AQP9: variants seen among roughly 807,000 people sequenced by gnomAD.
The protein encoded by AQP9 is aquaporin-9.
AQP9 carries 19 observed loss-of-function variants against 23.8 expected under a neutral mutation model. That is an observed-to-expected ratio of 0.80 (90% CI 0.56 to 1.17). AQP9 has a LOEUF of 1.17. Ranked by LOEUF, AQP9 falls within the 50% of genes most tolerant of loss-of-function variation. AQP9 has a pLI of 0.00. For synonymous variants in AQP9, 153 were observed against 131.5 expected (o/e 1.16, Z -1.12); for missense variants, 413 against 362.0 (o/e 1.14, Z -1.14).
At chr15:58,140,501 C>G (rs558640123) in intron 1 of AQP9, among the ~76,000 whole-genome samples, 1 of 152,146 alleles carries the variant, frequency 6.6e-6, no homozygotes, top group South Asian at 2.1e-4. Flanking sequence ...AAATCTGCAA[C>G]CTTGATTATC....
Position 58,185,373 on chromosome 15 carries a change from T to A in AQP9, c.*1238T>A, listed in dbSNP as rs1291923401. The A allele has an allele frequency of 6.5e-6, 1 of 152,770 alleles. No individual in the cohort carries two copies. Among genetic ancestry groups the A allele is most frequent in the East Asian group, 1.9e-4 (1 of 5,182 alleles). The allele number at this position is 152,770 out of a possible 1,614,324, so 9.5% of individuals were successfully genotyped here. A position where few individuals can be genotyped will look rare whatever the true frequency, so the allele number is the denominator to read the frequency against. ...TGGCAGCTTCTAGAATATGTACACC[T>A]CTGGACAAAATGTTCCTCAATCTTA... On this transcript the variant is annotated 3_prime_UTR_variant, in exon 6 of 6. Coordinates refer to ENST00000219919, the MANE Select transcript of AQP9 (RefSeq NM_020980.5).
chr15:58,182,304 C>A (rs1433066104), intron 5 of AQP9, among the ~76,000 whole-genome samples: 1 of 152,148 alleles, frequency 6.6e-6, no homozygotes, highest in Non-Finnish European at 1.5e-5. Context: ...TACACATGTT[C>A]CTGGCATCTC....
intron 5 of AQP9, among the ~76,000 whole-genome samples, chr15:58,180,180 G>A (rs150406110): frequency 6.6e-6 from 1 of 152,258 alleles, no homozygotes; most frequent in East Asian, 1.9e-4. Context: ...TCCACCCATG[G>A]CAACTTCCTA....
At chr15:58,165,410 A>G (rs184183801) in intron 1 of AQP9, among the ~76,000 whole-genome samples, 303 of 152,314 alleles carry the variant, frequency 2.0e-3, no homozygotes, top group Non-Finnish European at 3.6e-3. Context: ...AAAAGAGAGG[A>G]TATACAATGA....
At position 58,185,831 on chromosome 15, in the gene AQP9, T is replaced by C. The variant is rs1206831104; in HGVS notation, c.*1696T>C. On this transcript the variant is annotated 3_prime_UTR_variant, in exon 6 of 6. Coordinates refer to ENST00000219919, the MANE Select transcript of AQP9 (RefSeq NM_020980.5). Reference sequence around the variant, plus strand: ...CTGATGACTTATGTTCTACAATCTATGGACATACGGGATTTTTTTTTCTTG... The same window carrying C: ...CTGATGACTTATGTTCTACAATCTACGGACATACGGGATTTTTTTTTCTTG... 6.6e-6 allele frequency: 1 copy of C among 152,262 alleles called. No individual in the cohort carries two copies. The highest frequency in any genetic ancestry group is 1.5e-5 in the Non-Finnish European group (1 of 68,046). The allele number at this position is 152,262 out of a possible 1,614,324, so 9.4% of individuals were successfully genotyped here.
rs147222240 is a variant in AQP9, at chr15:58,179,288, G to A, written c.656G>A (p.Arg219Gln). ...LNSGCAMNPARDLSPRLFTAL... is the reference protein window; with the variant it reads ...LNSGCAMNPAQDLSPRLFTAL... Reference sequence around the variant, plus strand: ...AGTGGCTGTGCCATGAACCCAGCTCGAGACCTGAGTCCCAGACTTTTCACT... The same window carrying A: ...AGTGGCTGTGCCATGAACCCAGCTCAAGACCTGAGTCCCAGACTTTTCACT... The change falls in exon 5 of 6, where the codon CGA becomes CAA. Residue 219 changes from arginine (R) to glutamine (Q), a missense_variant. By Grantham distance (43) the Arg-to-Gln change is conservative (BLOSUM62 1). Coordinates refer to ENST00000219919, the MANE Select transcript of AQP9 (RefSeq NM_020980.5). 411 of 1,613,970 alleles carry A rather than the reference G, an allele frequency of 2.5e-4. 4 individuals carry two copies. The highest frequency in any genetic ancestry group is 6.5e-5 in the Non-Finnish European group (77 of 1,180,018).
intron 1 of AQP9, among the ~76,000 whole-genome samples, chr15:58,165,038 T>G (rs1213741072): frequency 6.6e-6 from 1 of 152,218 alleles, no homozygotes; most frequent in Non-Finnish European, 1.5e-5. Flanking sequence ...AAATATTTCC[T>G]CATATGCTCT....
intron 1 of AQP9, chr15:58,152,948 T>A (rs190044813): frequency 6.6e-6 from 1 of 152,288 alleles, no homozygotes; most frequent in Non-Finnish European, 1.5e-5. Context: ...TACTAATCAA[T>A]TTTTCAAATA....
chr15:58,144,275 G>A (rs1283953383), intron 1 of AQP9, among the ~76,000 whole-genome samples: 1 of 151,710 alleles, frequency 6.6e-6, no homozygotes, highest in Non-Finnish European at 1.5e-5. Flanking sequence ...TCATATTTGT[G>A]TCTTTAAATA....
intron 1 of AQP9, among the ~76,000 whole-genome samples, chr15:58,159,395 G>C (rs1898327116): frequency 6.6e-6 from 1 of 152,002 alleles, no homozygotes; most frequent in Non-Finnish European, 1.5e-5. Flanking sequence ...ATACATAACA[G>C]ATGTACATAT....
In AQP9 at chr15:58,174,996, C is replaced by G. The variant is rs759164964; in HGVS notation, c.455C>G (p.Pro152Arg). 3.2e-5 allele frequency: 52 copies of G among 1,614,190 alleles called. No homozygotes were observed. In the Middle Eastern group the frequency reaches 6.6e-4, roughly 20 times the overall value. The change falls in exon 4 of 6, where the codon CCA becomes CGA. Residue 152 changes from proline to arginine, a missense_variant. By Grantham distance (103) the Pro-to-Arg change is moderately radical. Transcript: ENST00000219919. ...ACAGCACACATTTTTGCAACATACC[C>G]AGCTCCGTATCTATCTCTGGCGAAC... ...NATAHIFATY[P>R]APYLSLANAF...
At chr15:58,157,988 A>G (rs1346401819) in intron 1 of AQP9, among the ~76,000 whole-genome samples, 3 of 152,152 alleles carry the variant, frequency 2.0e-5, no homozygotes, top group African/African-American at 7.2e-5. Flanking sequence ...TTGTTACCAG[A>G]AAAGCACTTG....
chr15:58,181,975 G>A (rs2140636849), intron 5 of AQP9, among the ~76,000 whole-genome samples: 1 of 152,012 alleles, frequency 6.6e-6, no homozygotes, highest in South Asian at 2.1e-4. Flanking sequence ...TCCTAGCTTG[G>A]ACCTACACCT....
intron 4 of AQP9, among the ~76,000 whole-genome samples, chr15:58,175,437 A>T (rs1898729798): frequency 6.6e-6 from 1 of 152,212 alleles, no homozygotes; most frequent in Admixed American, 6.5e-5. Flanking sequence ...AGCCTAGGGG[A>T]TCATCAATCC....
At chr15:58,139,332 G>A (rs1897912681) in intron 1 of AQP9, among the ~76,000 whole-genome samples, 1 of 152,126 alleles carries the variant, frequency 6.6e-6, no homozygotes, top group African/African-American at 2.4e-5. Context: ...ATAAACGAGG[G>A]ACGACTTCTA....
chr15:58,174,551 G>T (rs1898696594), intron 3 of AQP9, among the ~76,000 whole-genome samples: 1 of 152,130 alleles, frequency 6.6e-6, no homozygotes, highest in African/African-American at 2.4e-5. Context: ...GGGTTACTGA[G>T]AGCCCTCTGG....
intron 1 of AQP9, among the ~76,000 whole-genome samples, chr15:58,160,109 G>A (rs914086858): frequency 1.3e-5 from 2 of 152,112 alleles, no homozygotes; most frequent in African/African-American, 4.8e-5. Flanking sequence ...GGCTATATTA[G>A]TTTACATTCC....
intron 5 of AQP9, among the ~76,000 whole-genome samples, chr15:58,180,507 C>G (rs1340446142): frequency 6.6e-6 from 1 of 152,092 alleles, no homozygotes. Flanking sequence ...CAGGGTGTAG[C>G]TCATAGAAAG....
intron 1 of AQP9, among the ~76,000 whole-genome samples, chr15:58,147,847 C>G (rs946957114): frequency 3.9e-5 from 6 of 152,004 alleles, no homozygotes; most frequent in African/African-American, 1.2e-4. Flanking sequence ...AAAAAGCAGG[C>G]AGAAATGGTA....
Sources: allele counts gnomAD v4.1 joint callset (sites outside exome capture counted in the v4.1 genomes callset), GRCh38; gene constraint gnomAD v4.1.1; transcripts MANE v1.5; gene names NCBI Gene and HGNC (gene_info 2026-07-23, HGNC 2026-07-21).